The following PDGFD variants were observed in gnomAD, a reference collection of about 807,000 sequenced individuals.
The protein encoded by PDGFD is platelet-derived growth factor D.
PDGFD carries 30 observed loss-of-function variants against 44.7 expected under a neutral mutation model. That is an observed-to-expected ratio of 0.67 (90% CI 0.50 to 0.91). The LOEUF is 0.91. Ranked by LOEUF, PDGFD falls within the 40% of genes least tolerant of loss-of-function variation. The pLI is 0.00. For missense variants in PDGFD, 445 were observed against 457.8 expected, an observed-to-expected ratio of 0.97 and a Z score of 0.25; for synonymous variants, 173 against 168.4, an observed-to-expected ratio of 1.03 and a Z score of -0.21.
At chr11:104,049,350 C>T (rs1860489917) in intron 1 of PDGFD, among the ~76,000 whole-genome samples, 1 of 152,010 alleles carries the variant, frequency 6.6e-6, no homozygotes, top group East Asian at 1.9e-4. Flanking sequence ...AGACTTAAAG[C>T]AGGAAGAAAC....
intron 6 of PDGFD, among the ~76,000 whole-genome samples, chr11:103,911,813 A>T (rs1037187961): frequency 5.3e-5 from 8 of 151,980 alleles, no homozygotes; most frequent in Admixed American, 4.6e-4. Context: ...AAAACGCAAG[A>T]CAAGAACTTC....
intron 5 of PDGFD, among the ~76,000 whole-genome samples, chr11:103,942,309 A>G (rs1156336282): frequency 6.6e-6 from 1 of 152,174 alleles, no homozygotes; most frequent in African/African-American, 2.4e-5. Flanking sequence ...AGGAAAGGAC[A>G]TAACAGACTA....
At chr11:103,936,583 C>T (rs1008651241) in intron 5 of PDGFD, among the ~76,000 whole-genome samples, 3 of 151,942 alleles carry the variant, frequency 2.0e-5, no homozygotes, top group African/African-American at 4.8e-5. Flanking sequence ...TAGTTATTTA[C>T]CTGTAAATAA....
At chr11:104,130,224 A>C (rs561971419) in intron 1 of PDGFD, among the ~76,000 whole-genome samples, 7 of 152,126 alleles carry the variant, frequency 4.6e-5, no homozygotes, top group African/African-American at 1.7e-4. Context: ...TTCTAAGGTC[A>C]TTTGTAATCC....
intron 1 of PDGFD, among the ~76,000 whole-genome samples, chr11:104,111,156 C>T (rs542209116): frequency 4.3e-4 from 65 of 151,972 alleles, no homozygotes; most frequent in Admixed American, 2.3e-3. Flanking sequence ...TTATTACCTA[C>T]GCTTATCCAA....
At chr11:104,008,325 A>G (rs1348718878) in intron 1 of PDGFD, among the ~76,000 whole-genome samples, 1 of 152,154 alleles carries the variant, frequency 6.6e-6, no homozygotes, top group East Asian at 1.9e-4. Flanking sequence ...CAAATCTCAA[A>G]TCTTCAATGG....
chr11:104,067,015 G>A (rs987826205), intron 1 of PDGFD, among the ~76,000 whole-genome samples: 1 of 152,136 alleles, frequency 6.6e-6, no homozygotes, highest in South Asian at 2.1e-4. Context: ...GACGAAAGCT[G>A]ACTGTTATAC....
intron 1 of PDGFD, among the ~76,000 whole-genome samples, chr11:104,142,719 G>A (rs1862103225): frequency 6.6e-6 from 1 of 152,154 alleles, no homozygotes; most frequent in Non-Finnish European, 1.5e-5. Context: ...TAGAACAAGG[G>A]AGAGGGTTTC....
At chr11:104,020,323 G>A (rs1166491473) in intron 1 of PDGFD, among the ~76,000 whole-genome samples, 1 of 151,990 alleles carries the variant, frequency 6.6e-6, no homozygotes, top group South Asian at 2.1e-4. Context: ...ACGTAATACT[G>A]AAAATATAAA....
intron 4 of PDGFD, chr11:103,946,604 T>C (rs1858671279): frequency 6.6e-6 from 1 of 152,286 alleles, no homozygotes; most frequent in Admixed American, 6.5e-5. Flanking sequence ...CAGCCTCTAC[T>C]GTGACCCTCC....
At chr11:103,914,371 C>T (rs1246038852) in intron 6 of PDGFD, among the ~76,000 whole-genome samples, 1 of 152,134 alleles carries the variant, frequency 6.6e-6, no homozygotes, top group Non-Finnish European at 1.5e-5. Context: ...GCTCCCAAAA[C>T]ACATACACCC....
At chr11:104,076,523 T>A (rs1002686170) in intron 1 of PDGFD, among the ~76,000 whole-genome samples, 3 of 152,166 alleles carry the variant, frequency 2.0e-5, no homozygotes, top group African/African-American at 7.2e-5. Context: ...ATTTATCTTT[T>A]AAAAACAATA....
At chr11:104,027,289 C>T (rs951714988) in intron 1 of PDGFD, among the ~76,000 whole-genome samples, 4 of 152,226 alleles carry the variant, frequency 2.6e-5, no homozygotes. Flanking sequence ...TCTGACAGCA[C>T]CTGGTTCTAG....
intron 3 of PDGFD, among the ~76,000 whole-genome samples, chr11:103,985,536 T>C (rs1043208217): frequency 6.6e-5 from 10 of 151,696 alleles, no homozygotes; most frequent in African/African-American, 2.4e-4. Context: ...AATATGACTT[T>C]GACAGGGAGA....
chr11:103,920,505 C>T (rs1286130282), intron 6 of PDGFD, among the ~76,000 whole-genome samples: 2 of 152,194 alleles, frequency 1.3e-5, no homozygotes, highest in Non-Finnish European at 2.9e-5. Context: ...GAGTACCTTG[C>T]CCCATGTGGC....
intron 1 of PDGFD, among the ~76,000 whole-genome samples, chr11:104,156,207 AC>A (rs1186171261): frequency 6.6e-6 from 1 of 152,042 alleles, no homozygotes; most frequent in Non-Finnish European, 1.5e-5. Context: ...ATAAGATATG[AC>A]CAGGCATGGT....
intron 1 of PDGFD, among the ~76,000 whole-genome samples, chr11:104,007,274 AC>A (rs1363575813): frequency 6.6e-6 from 1 of 152,204 alleles, no homozygotes. Context: ...GAGGCTACAC[AC>A]CTTGGTGTCT....
chr11:104,141,914 C>G (rs1222727359), intron 1 of PDGFD, among the ~76,000 whole-genome samples: 1 of 152,164 alleles, frequency 6.6e-6, no homozygotes, highest in Non-Finnish European at 1.5e-5. Context: ...TAAGCCACCA[C>G]AGTTGTGCAA....
At chr11:104,103,187 C>G (rs751391168) in intron 1 of PDGFD, among the ~76,000 whole-genome samples, 1 of 152,034 alleles carries the variant, frequency 6.6e-6, no homozygotes, top group Non-Finnish European at 1.5e-5. Context: ...ATTTCCACCT[C>G]ATAGAGTAGT....
Sources: allele counts gnomAD v4.1 joint callset (sites outside exome capture counted in the v4.1 genomes callset), GRCh38; gene constraint gnomAD v4.1.1; transcripts MANE v1.5; gene names NCBI Gene and HGNC (gene_info 2026-07-23, HGNC 2026-07-21).